The following ASPH variants were observed in gnomAD, a reference collection of about 807,000 sequenced individuals.
ASPH encodes the protein aspartate beta-hydroxylase, also known as aspartyl/asparaginyl beta-hydroxylase.
In ASPH, 100 loss-of-function variants were observed where a neutral mutation model predicts 118.4. The ratio of observed to expected loss-of-function variants is 0.84; its 90% confidence interval spans 0.72 to 1.00. ASPH has a LOEUF of 1.00. Ranked by LOEUF, ASPH falls within the 50% of genes least tolerant of loss-of-function variation. The probability of loss-of-function intolerance (pLI) is 0.00; values close to 1 mark genes in which losing one functional copy is unlikely to be tolerated. For missense variants in ASPH, 920 were observed against 919.5 expected (o/e 1.00, Z -0.01); for synonymous variants, 315 against 325.6 (o/e 0.97, Z 0.35).
At position 61,501,992 on chromosome 8, in the gene ASPH, C is replaced by CA. The variant is rs1805016822; in HGVS notation, c.*1366dup. 6.6e-6 allele frequency: 1 copy of CA among 152,276 alleles called. No individual in the cohort carries two copies. The highest frequency in any genetic ancestry group is 2.4e-5 in the African/African-American group (1 of 41,554). The allele number at this position is 152,276 out of a possible 1,614,324, so 9.4% of individuals were successfully genotyped here. A position where few individuals can be genotyped will look rare whatever the true frequency, so the allele number is the denominator to read the frequency against. The stretch of plus-strand genomic sequence containing the variant: ...GGCTTAGAATTCAGTGCATGAATAT[C>CA]ATTACATTCTTATATCTAACATTCC... On this transcript the variant is annotated 3_prime_UTR_variant, in exon 25 of 25. Transcript: ENST00000379454.
chr8:61,697,141 A>C (rs958064504), intron 1 of ASPH, among the ~76,000 whole-genome samples: 1 of 152,238 alleles, frequency 6.6e-6, no homozygotes, highest in South Asian at 2.1e-4. Flanking sequence ...CACAGCATAC[A>C]CAGAAGAATC....
intron 24 of ASPH, 187 bp downstream of exon 24, chr8:61,517,341 G>A: frequency 1.3e-6 from 1 of 774,054 alleles, no homozygotes; most frequent in South Asian, 2.2e-5. Flanking sequence ...CTAGAGCTGG[G>A]CAATGTCTCC....
intron 24 of ASPH, among the ~76,000 whole-genome samples, chr8:61,510,068 C>A (rs561018929): frequency 6.6e-6 from 1 of 152,284 alleles, no homozygotes; most frequent in African/African-American, 2.4e-5. Flanking sequence ...ACAGAAGTCT[C>A]CATTTCTGCA....
chr8:61,684,551 TC>T (rs1480459998), intron 1 of ASPH: 1 of 167,604 alleles, frequency 6.0e-6, no homozygotes, highest in Non-Finnish European at 1.3e-5. Context: ...CAAATCCTTT[TC>T]TCCGTCCCAT....
rs533397546 is a variant in ASPH, at chr8:61,714,027, T to C, written c.103+242A>G. 3.4e-3 allele frequency among the ~76,000 whole-genome samples: 517 copies of C among 152,302 alleles called. 3 individuals are homozygous for C. The highest frequency in any genetic ancestry group is 0.024 in the Middle Eastern group (7 of 292). On this transcript the variant is annotated intron_variant, in intron 1 of 24. Coordinates refer to ENST00000379454, the MANE Select transcript of ASPH (RefSeq NM_004318.4). ...TGCGCCCTGCAGGTGAAGGAACCGC[T>C]GGGAAGGGGCTCCCCGAGACTAGCA... is the stretch of plus-strand genomic sequence containing the variant.
rs761231039 is a variant in ASPH, at chr8:61,646,864, A to T, written c.505T>A (p.Leu169Met). The T allele has an allele frequency of 1.2e-6, 2 of 1,613,858 alleles. No individual in the cohort carries two copies. The highest frequency in any genetic ancestry group is 1.7e-6 in the Non-Finnish European group (2 of 1,179,858). The change falls in exon 6 of 25, where the codon TTG becomes ATG. Residue 169 changes from leucine to methionine, a missense_variant. Physicochemically the swap from Leu to Met is conservative, Grantham distance 15. Coordinates refer to ENST00000379454, the MANE Select transcript of ASPH (RefSeq NM_004318.4). The part of the protein sequence containing the change: ...VHAEHVEGED[L>M]QQEDGPTGEP... ...CCTGTGGGTCCATCTTCTTGTTGCA[A>T]GTCTTCTCCCTCAACTATGACAATG...
intron 6 of ASPH, 109 bp from the exon 7 acceptor site, chr8:61,644,741 T>C (rs1397911886): frequency 2.5e-6 from 2 of 798,482 alleles, no homozygotes; most frequent in South Asian, 3.0e-5. Flanking sequence ...ATTTAAAAAA[T>C]TAAAAAATGG....
intron 3 of ASPH, among the ~76,000 whole-genome samples, chr8:61,669,306 G>A (rs1821242837): frequency 6.6e-6 from 1 of 152,130 alleles, no homozygotes. Context: ...TCTATCAATT[G>A]AGGTCATCCA....
chr8:61,680,954 A>G lies in ASPH; in HGVS notation c.322+14T>C. ...TTTATCACCACTAACAAAAAACATA[A>G]AATGTGTACTTGCCTAATAAAACTT... On this transcript the variant is annotated intron_variant, in intron 3 of 24. Transcript: ENST00000379454. 2 of 1,586,782 alleles carry G rather than the reference A, an allele frequency of 1.3e-6. No individual in the cohort carries two copies. The highest frequency in any genetic ancestry group is 1.7e-6 in the Non-Finnish European group (2 of 1,165,744).
At chr8:61,665,625 A>C in intron 3 of ASPH, 1 of 1,545,770 alleles carries the variant, frequency 6.5e-7, no homozygotes, top group Non-Finnish European at 8.6e-7. Flanking sequence ...TTTTCCAATT[A>C]AAGGAAAAAA....
intron 15 of ASPH, among the ~76,000 whole-genome samples, chr8:61,582,617 T>G (rs1374311095): frequency 6.6e-6 from 1 of 152,250 alleles, no homozygotes; most frequent in East Asian, 1.9e-4. Flanking sequence ...GTTACTCTAT[T>G]TTTATTGGCA....
chr8:61,555,107 T>A (rs1399500256), intron 19 of ASPH, among the ~76,000 whole-genome samples: 1 of 152,178 alleles, frequency 6.6e-6, no homozygotes, highest in Non-Finnish European at 1.5e-5. Flanking sequence ...AAAAAAGGCA[T>A]ATTTTAATTT....
At chr8:61,560,996 T>C (rs1239050341) in intron 18 of ASPH, among the ~76,000 whole-genome samples, 1 of 144,962 alleles carries the variant, frequency 6.9e-6, no homozygotes, top group East Asian at 2.0e-4. Flanking sequence ...AGAAAGAAAA[T>C]AGGGAAGAAT....
intron 14 of ASPH, among the ~76,000 whole-genome samples, chr8:61,617,932 C>CAAAAAAAA (rs10674052): frequency 1.1e-5 from 1 of 87,798 alleles, no homozygotes. Flanking sequence ...GACGCCATCT[C>CAAAAAAAA]AAAAAAAAAA....
rs1817965383 is a variant in ASPH at position 61,532,525 on chromosome 8, T to C, written c.1765-6413A>G. Among the ~76,000 whole-genome samples the C allele has an allele frequency of 1.3e-5, 2 of 152,234 alleles. 1 individual carries two copies. The highest frequency in any genetic ancestry group is 2.9e-5 in the Non-Finnish European group (2 of 68,028). On this transcript the variant is annotated intron_variant, in intron 21 of 24. Transcript: ENST00000379454. The stretch of plus-strand genomic sequence containing the variant: ...TTTCTTTTGCTGTGCAGAAACTTTT[T>C]AGTTTGCTGTAGTCCCACTTGTTCA...
rs1198435701 is a variant in ASPH, at chr8:61,502,060, T to C, written c.*1299A>G. ...AAATATACAAAATCTGATACATGAA[T>C]ACTTTGCTAGATTAATGACTTGATC... On this transcript the variant is annotated 3_prime_UTR_variant, in exon 25 of 25. Coordinates refer to ENST00000379454, the MANE Select transcript of ASPH (RefSeq NM_004318.4). The C allele has an allele frequency of 1.3e-5, 2 of 152,230 alleles. No homozygotes were observed. Among genetic ancestry groups the C allele is most frequent in the Admixed American group, 6.5e-5 (1 of 15,282 alleles). The allele number at this position is 152,230 out of a possible 1,614,324, so 9.4% of individuals were successfully genotyped here. A position where few individuals can be genotyped will look rare whatever the true frequency, so the allele number is the denominator to read the frequency against.
chr8:61,546,516 A>T (rs937015462), intron 21 of ASPH, among the ~76,000 whole-genome samples: 3 of 152,224 alleles, frequency 2.0e-5, no homozygotes, highest in African/African-American at 7.2e-5. Context: ...ATCAAGGAAG[A>T]TGTTGTTCTT....
intron 20 of ASPH, among the ~76,000 whole-genome samples, chr8:61,552,493 C>A (rs1372398952): frequency 6.6e-6 from 1 of 152,132 alleles, no homozygotes; most frequent in African/African-American, 2.4e-5. Flanking sequence ...TTAAATATTT[C>A]AGAGGATAAG....
chr8:61,646,553 T>C (rs1171400845), intron 6 of ASPH, among the ~76,000 whole-genome samples, 197 bp downstream of exon 6: 2 of 152,192 alleles, frequency 1.3e-5, no homozygotes, highest in African/African-American at 4.8e-5. Flanking sequence ...ATTCTGAGTT[T>C]CCCTGAAAAG....
Sources: allele counts gnomAD v4.1 joint callset (sites outside exome capture counted in the v4.1 genomes callset), GRCh38; gene constraint gnomAD v4.1.1; transcripts MANE v1.5; gene names NCBI Gene and HGNC (gene_info 2026-07-23, HGNC 2026-07-21).